Variants in OGFOD3 observed in about 807,000 individuals in gnomAD.
The protein encoded by OGFOD3 is 2-oxoglutarate and iron-dependent oxygenase domain-containing protein 3.
In OGFOD3, 35 loss-of-function variants were observed where a neutral mutation model predicts 39.8. That is an observed-to-expected ratio of 0.88 (90% confidence interval 0.67 to 1.17). The LOEUF (loss-of-function observed/expected upper bound fraction) is 1.17, where lower values mean the gene tolerates loss of function less well. Among genes scored for constraint, OGFOD3 ranks in the 50% most tolerant of loss-of-function variants. The pLI, the probability that OGFOD3 is intolerant of heterozygous loss-of-function variation, is 0.00. For synonymous variants in OGFOD3, 200 were observed against 192.0 expected, an observed-to-expected ratio of 1.04 and a Z score of -0.34; for missense variants, 438 against 454.5, an observed-to-expected ratio of 0.96 and a Z score of 0.33.
At chr17:82,405,727 A>G (rs1050205161) in intron 5 of OGFOD3, among the ~76,000 whole-genome samples, 2 of 152,066 alleles carry the variant, frequency 1.3e-5, no homozygotes, top group Non-Finnish European at 2.9e-5. Flanking sequence ...AGGCAGGTGG[A>G]TCACTTGAGG....
intron 4 of OGFOD3, among the ~76,000 whole-genome samples, chr17:82,407,593 C>T (rs2052875672): frequency 6.6e-6 from 1 of 152,242 alleles, no homozygotes. Context: ...AGGCTTCCAG[C>T]CCACGTTAGT....
chr17:82,403,917 C>A lies in OGFOD3; in HGVS notation c.699+20G>T, dbSNP rs761436779. ...CACCTTGTCCACGGGCACGCTCACC[C>A]TGCCCACGGGCGCGCTCACCTTGTC... is the stretch of plus-strand genomic sequence containing the variant. On this transcript the variant is annotated intron_variant, in intron 7 of 8. Coordinates refer to ENST00000313056, the MANE Select transcript of OGFOD3 (RefSeq NM_024648.3). The A allele has an allele frequency of 5.7e-6, 9 of 1,590,656 alleles. No individual in the cohort carries two copies. The highest frequency in any genetic ancestry group is 7.7e-6 in the Non-Finnish European group (9 of 1,172,638).
At position 82,409,539 on chromosome 17, in the gene OGFOD3, C is replaced by T. The variant is rs1452837609; in HGVS notation, c.381-129G>A. On this transcript the variant is annotated intron_variant, in intron 3 of 8. Transcript: ENST00000313056. ...GCGTGTTTAATGTTTATGATGTAAA[C>T]AAATGTTTAGACCAAAGGACTCAAC... The T allele has an allele frequency of 3.6e-6, 3 of 839,848 alleles. No individual in the cohort carries two copies. In the African/African-American group the frequency reaches 5.1e-5, roughly 14 times the overall value. 52.0% of individuals were successfully genotyped at this position (839,848 alleles called of 1,614,324 possible).
intron 8 of OGFOD3, among the ~76,000 whole-genome samples, chr17:82,395,561 C>T (rs1386113913): frequency 1.3e-5 from 2 of 152,246 alleles, no homozygotes; most frequent in Non-Finnish European, 2.9e-5. Context: ...GTGGCTCACG[C>T]CTGTCATCCC....
chr17:82,398,088 A>G, intron 8 of OGFOD3, 108 bp downstream of exon 8: 1 of 1,389,316 alleles, frequency 7.2e-7, no homozygotes, highest in Non-Finnish European at 1.0e-6. Flanking sequence ...CCCGGCACAC[A>G]GCAGATGCTC....
At position 82,392,372 on chromosome 17, in the gene OGFOD3, T is replaced by G. The variant is rs749947944; in HGVS notation, c.*26A>C. ...GCGGCTGCCTCCACACGGGCCCTCCTGAAGTTACCTTGGCCCGGCTGCTGG... is the reference window on the plus strand; with the variant it reads ...GCGGCTGCCTCCACACGGGCCCTCCGGAAGTTACCTTGGCCCGGCTGCTGG... On this transcript the variant is annotated 3_prime_UTR_variant, in exon 9 of 9. Coordinates refer to ENST00000313056, the MANE Select transcript of OGFOD3 (RefSeq NM_024648.3). The surrounding 1 kb of genome is among the most constrained non-coding windows in gnomAD (Gnocchi z 4.2). 2 of 1,603,118 alleles carry G rather than the reference T, an allele frequency of 1.2e-6. No individual in the cohort carries two copies. Among genetic ancestry groups the G allele is most frequent in the South Asian group, 2.2e-5 (2 of 88,894 alleles).
intron 3 of OGFOD3, among the ~76,000 whole-genome samples, chr17:82,410,907 CAG>C: frequency 6.6e-6 from 1 of 151,470 alleles, no homozygotes; most frequent in Middle Eastern, 3.4e-3. Context: ...TTAGTAGAGA[CAG>C]GGGTTTCACC....
At chr17:82,412,614 T>TGC (rs2052968808) in intron 2 of OGFOD3, among the ~76,000 whole-genome samples, 5 of 133,060 alleles carry the variant, frequency 3.8e-5, no homozygotes, top group Admixed American at 7.4e-5. Context: ...GTTAGGGTGT[T>TGC]TGGGGCAGGG....
chr17:82,401,803 C>CAAAAAAAAAAAAAAAAA lies in OGFOD3; in HGVS notation c.699+2117_699+2133dup, dbSNP rs79956747. 2.1e-3 allele frequency among the ~76,000 whole-genome samples: 128 copies of CAAAAAAAAAAAAAAAAA among 61,650 alleles called. 2 individuals carry two copies. Among genetic ancestry groups the CAAAAAAAAAAAAAAAAA allele is most frequent in the East Asian group, 4.8e-3 (5 of 1,042 alleles). 40.4% of individuals were successfully genotyped at this position (61,650 alleles called of 152,430 possible). A position where few individuals can be genotyped will look rare whatever the true frequency, so the allele number is the denominator to read the frequency against. ...TGGGTGGCAGAGCAAGACTCCATCT[C>CAAAAAAAAAAAAAAAAA]AAAAAAAAAAAAAAAAAAAACAAAG... On this transcript the variant is annotated intron_variant, in intron 7 of 8. Coordinates refer to ENST00000313056, the MANE Select transcript of OGFOD3 (RefSeq NM_024648.3).
intron 8 of OGFOD3, chr17:82,394,323 A>G (rs1372192987): frequency 6.5e-7 from 1 of 1,531,842 alleles, no homozygotes. Context: ...TGACTATTAG[A>G]TTATCACCTG....
chr17:82,391,411 C>T lies in OGFOD3; in HGVS notation c.*987G>A, dbSNP rs190515887. 139 of 152,498 alleles carry T rather than the reference C, an allele frequency of 9.1e-4. No homozygotes were observed. Among genetic ancestry groups the T allele is most frequent in the Middle Eastern group, 3.4e-3 (1 of 298 alleles). 9.4% of individuals were successfully genotyped at this position (152,498 alleles called of 1,614,324 possible). A position where few individuals can be genotyped will look rare whatever the true frequency, so the allele number is the denominator to read the frequency against. ...AGGCTGGAGTGTAGTGGCACGATCT[C>T]GGCTCACTGCAACTTCTGCCCCCTG... On this transcript the variant is annotated 3_prime_UTR_variant, in exon 9 of 9. Coordinates refer to ENST00000313056, the MANE Select transcript of OGFOD3 (RefSeq NM_024648.3). The surrounding 1 kb of genome is among the most constrained non-coding windows in gnomAD (Gnocchi z 5.1).
chr17:82,413,376 T>C (rs1178090788), intron 2 of OGFOD3, among the ~76,000 whole-genome samples: 1 of 152,160 alleles, frequency 6.6e-6, no homozygotes, highest in Non-Finnish European at 1.5e-5. Flanking sequence ...CAGACGCTGC[T>C]GGGTCCATGC....
chr17:82,415,063 G>C lies in OGFOD3; in HGVS notation c.304+335C>G, dbSNP rs2053011044. On this transcript the variant is annotated intron_variant, in intron 2 of 8. Coordinates refer to ENST00000313056, the MANE Select transcript of OGFOD3 (RefSeq NM_024648.3). The surrounding 1 kb of genome is among the most constrained non-coding windows in gnomAD (Gnocchi z 5.3). ...GCAGAAGGGCTGCTGGTCGTTTCTT[G>C]TTACATTTTCCCCAACATTCTCTGA... is the stretch of plus-strand genomic sequence containing the variant. Among the ~76,000 whole-genome samples, 1 of 152,204 alleles carries C rather than the reference G, an allele frequency of 6.6e-6. No homozygotes were observed. Among genetic ancestry groups the C allele is most frequent in the Non-Finnish European group, 1.5e-5 (1 of 68,036 alleles).
chr17:82,410,787 C>T (rs1296341819), intron 3 of OGFOD3, among the ~76,000 whole-genome samples: 1 of 141,918 alleles, frequency 7.0e-6, no homozygotes, highest in Non-Finnish European at 1.5e-5. Flanking sequence ...GGCTCAATCT[C>T]GGCTCACTGC....
At chr17:82,417,543 C>T (rs1171592585) in intron 1 of OGFOD3, among the ~76,000 whole-genome samples, 2 of 148,630 alleles carry the variant, frequency 1.3e-5, no homozygotes, top group Admixed American at 6.9e-5. Flanking sequence ...CTCTTGAACC[C>T]GGGAGGCAGA....
chr17:82,400,159 G>A (rs1242998692), intron 7 of OGFOD3, among the ~76,000 whole-genome samples: 1 of 152,182 alleles, frequency 6.6e-6, no homozygotes, highest in Non-Finnish European at 1.5e-5. Context: ...TCCGCTGTAA[G>A]GAAGCCCAGT....
rs1384096767 is a variant in OGFOD3, at chr17:82,418,582, C to G, written c.-97G>C. On this transcript the variant is annotated 5_prime_UTR_variant, in exon 1 of 9. Coordinates refer to ENST00000313056, the MANE Select transcript of OGFOD3 (RefSeq NM_024648.3). Reference sequence around the variant, plus strand: ...GCGAGGCAGGCACGGCGCAGGGACGCGAGTGCGACGCGCTCGGCCATCGGC... The same window carrying G: ...GCGAGGCAGGCACGGCGCAGGGACGGGAGTGCGACGCGCTCGGCCATCGGC... The G allele has an allele frequency of 3.7e-6, 2 of 545,144 alleles. No individual in the cohort carries two copies. The highest frequency in any genetic ancestry group is 2.0e-5 in the African/African-American group (1 of 50,114). The allele number at this position is 545,144 out of a possible 1,614,324, so 33.8% of individuals were successfully genotyped here.
intron 8 of OGFOD3, among the ~76,000 whole-genome samples, chr17:82,395,961 C>T (rs561599326): frequency 4.0e-5 from 6 of 150,988 alleles, no homozygotes; most frequent in Non-Finnish European, 8.8e-5. Context: ...CAGATACACA[C>T]AATTAGACAG....
rs1353685274 is a variant in OGFOD3 at position 82,406,310 on chromosome 17, C to G, written c.488+108G>C. ...ACTGAGGCCCTGAGGCTGCACCGAG[C>G]CGGATCCTCCCTCACATGTCCACGT... On this transcript the variant is annotated intron_variant, in intron 5 of 8. Coordinates refer to ENST00000313056, the MANE Select transcript of OGFOD3 (RefSeq NM_024648.3). The surrounding 1 kb of genome is among the most constrained non-coding windows in gnomAD (Gnocchi z 5.2). The G allele has an allele frequency of 3.9e-6, 4 of 1,035,116 alleles. No homozygotes were observed. The highest frequency in any genetic ancestry group is 2.6e-5 in the South Asian group (2 of 77,140). 64.1% of individuals were successfully genotyped at this position (1,035,116 alleles called of 1,614,324 possible).
Sources: gnomAD v4.1 joint callset for allele counts (sites outside exome capture counted in the v4.1 genomes callset) on GRCh38, gnomAD v4.1.1 for gene constraint, Gnocchi (gnomAD v3.1) non-coding constraint, MANE v1.5 for transcripts, NCBI Gene and HGNC (gene_info 2026-07-23, HGNC 2026-07-21) for gene names.